Variants in GRID2 observed in about 807,000 individuals in gnomAD.
The protein encoded by GRID2 is glutamate ionotropic receptor delta type subunit 2, also known as glutamate receptor ionotropic, delta-2.
In GRID2, 33 loss-of-function variants were observed where a neutral mutation model predicts 114.8. The observed-to-expected ratio is 0.29, with a 90% CI of 0.22 to 0.38. The LOEUF (loss-of-function observed/expected upper bound fraction) is 0.38. Ranked by LOEUF, GRID2 falls within the 10% of genes least tolerant of loss-of-function variation. The pLI is 1.00. For missense variants in GRID2, 1,184 were observed against 1,257.7 expected, an observed-to-expected ratio of 0.94 and a Z score of 0.89; for synonymous variants, 505 against 449.9, an observed-to-expected ratio of 1.12 and a Z score of -1.55.
At chr4:92,421,745 T>G (rs1400609413) in intron 1 of GRID2, among the ~76,000 whole-genome samples, 1 of 152,100 alleles carries the variant, frequency 6.6e-6, no homozygotes, top group Non-Finnish European at 1.5e-5. Flanking sequence ...TGCTTCACTT[T>G]CCTATCCCAA....
chr4:93,720,519 A>G (rs944993767), intron 14 of GRID2, among the ~76,000 whole-genome samples: 1 of 152,200 alleles, frequency 6.6e-6, no homozygotes, highest in Non-Finnish European at 1.5e-5. Flanking sequence ...ATGGTCACAG[A>G]CACCTGCTGG....
chr4:93,387,829 CAA>C (rs11453782), intron 8 of GRID2, among the ~76,000 whole-genome samples: 11 of 99,040 alleles, frequency 1.1e-4, no homozygotes, highest in Admixed American at 1.2e-4. Context: ...GACTCTGTCT[CAA>C]AAAAAAAAAA....
chr4:92,632,218 A>G (rs972450954), intron 2 of GRID2, among the ~76,000 whole-genome samples: 3 of 152,152 alleles, frequency 2.0e-5, no homozygotes, highest in Admixed American at 6.6e-5. Flanking sequence ...GAATTAGACT[A>G]TTATCACTTT....
intron 2 of GRID2, among the ~76,000 whole-genome samples, chr4:93,075,731 TAAGAA>T (rs1729206071): frequency 6.6e-6 from 1 of 152,032 alleles, no homozygotes; most frequent in African/African-American, 2.4e-5. Flanking sequence ...ATAAAATACT[TAAGAA>T]TAAATTGACA....
At chr4:92,385,705 CAAAT>C (rs2110248786) in intron 1 of GRID2, among the ~76,000 whole-genome samples, 1 of 151,296 alleles carries the variant, frequency 6.6e-6, no homozygotes, top group South Asian at 2.1e-4. Context: ...GTTTAAAAAA[CAAAT>C]AGGTTAGAAT....
chr4:92,814,482 G>A (rs1038175326), intron 2 of GRID2, among the ~76,000 whole-genome samples: 1 of 152,052 alleles, frequency 6.6e-6, no homozygotes, highest in African/African-American at 2.4e-5. Flanking sequence ...GTGGCTCACT[G>A]GCTGGTGGAC....
chr4:92,392,694 A>G (rs1012338149), intron 1 of GRID2, among the ~76,000 whole-genome samples: 1 of 152,068 alleles, frequency 6.6e-6, no homozygotes, highest in Non-Finnish European at 1.5e-5. Context: ...AATAACACTG[A>G]CTCAAAATTA....
intron 8 of GRID2, 109 bp from the exon 9 acceptor site, chr4:93,395,498 C>G (rs1222654437): frequency 8.5e-6 from 5 of 590,314 alleles, no homozygotes; most frequent in Non-Finnish European, 1.6e-5. Flanking sequence ...AGTACTCTTT[C>G]CATACCAATT....
intron 2 of GRID2, among the ~76,000 whole-genome samples, chr4:92,909,896 G>C (rs911300791): frequency 1.3e-5 from 2 of 152,092 alleles, no homozygotes; most frequent in African/African-American, 4.8e-5. Flanking sequence ...ATTGTTAAAA[G>C]AAAGCAAATT....
intron 2 of GRID2, among the ~76,000 whole-genome samples, chr4:92,747,200 G>A (rs1164154216): frequency 2.6e-5 from 4 of 151,598 alleles, no homozygotes; most frequent in Non-Finnish European, 5.9e-5. Context: ...CAATAAGACA[G>A]GTTACTTTTA....
At chr4:93,579,678 T>C (rs960280648) in intron 13 of GRID2, among the ~76,000 whole-genome samples, 1 of 152,148 alleles carries the variant, frequency 6.6e-6, no homozygotes, top group Admixed American at 6.5e-5. Flanking sequence ...ACACTGACCT[T>C]GAGCTCTAGG....
At chr4:93,493,717 CTG>C (rs1382045579) in intron 12 of GRID2, among the ~76,000 whole-genome samples, 1 of 151,558 alleles carries the variant, frequency 6.6e-6, no homozygotes, top group African/African-American at 2.4e-5. Context: ...GAGGAGAAGC[CTG>C]TCTCAAATTT....
At chr4:93,482,676 G>A (rs1464441617) in intron 11 of GRID2, among the ~76,000 whole-genome samples, 9 of 151,714 alleles carry the variant, frequency 5.9e-5, no homozygotes, top group African/African-American at 1.5e-4. Flanking sequence ...CATTCTGCAC[G>A]TGTATCCCAG....
chr4:93,057,050 A>AC (rs1409579375), intron 2 of GRID2, among the ~76,000 whole-genome samples: 3 of 152,092 alleles, frequency 2.0e-5, no homozygotes, highest in Admixed American at 6.6e-5. Flanking sequence ...GCATGCAAAT[A>AC]AAAACAAGAA....
intron 8 of GRID2, among the ~76,000 whole-genome samples, chr4:93,354,013 G>T (rs1761058726): frequency 7.3e-6 from 1 of 137,642 alleles, no homozygotes; most frequent in Non-Finnish European, 1.5e-5. Flanking sequence ...GTACACACAA[G>T]CACACACATG....
intron 8 of GRID2, among the ~76,000 whole-genome samples, chr4:93,381,688 C>A (rs1763869092): frequency 6.6e-6 from 1 of 152,064 alleles, no homozygotes. Context: ...ATACCCACTT[C>A]TTTTGGTTGC....
intron 1 of GRID2, among the ~76,000 whole-genome samples, chr4:92,573,966 C>T (rs909740445): frequency 2.0e-5 from 3 of 152,068 alleles, no homozygotes; most frequent in Admixed American, 2.0e-4. Context: ...TCCCTAAGAA[C>T]TTGCTTATGA....
At chr4:92,510,143 A>G (rs563992037) in intron 1 of GRID2, among the ~76,000 whole-genome samples, 1 of 152,078 alleles carries the variant, frequency 6.6e-6, no homozygotes, top group South Asian at 2.1e-4. Context: ...AGGTGGTAAT[A>G]GTGAATGATA....
rs192917587 is a variant in GRID2 at position 93,365,237 on chromosome 4, T to C, written c.1246-30370T>C. Among the ~76,000 whole-genome samples, 7 of 152,308 alleles carry C rather than the reference T, an allele frequency of 4.6e-5. No individual in the cohort carries two copies. In the East Asian group the frequency reaches 1.4e-3, roughly 29 times the overall value. ...TGCAATGAGTTTTTGTGTTTGTTTA[T>C]GTTTCTATAAACCATCCAGGCCCAA... On this transcript the variant is annotated intron_variant, in intron 8 of 15. Transcript: ENST00000282020.
Sources: gnomAD v4.1 joint callset for allele counts (sites outside exome capture counted in the v4.1 genomes callset) on GRCh38, gnomAD v4.1.1 for gene constraint, MANE v1.5 for transcripts, NCBI Gene and HGNC (gene_info 2026-07-23, HGNC 2026-07-21) for gene names.